Variants in AFF3 observed in about 807,000 individuals in gnomAD.
AFF3 encodes AF4/FMR2 family member 3.
Under a neutral mutation model 129.7 loss-of-function variants are expected in AFF3, and 32 were observed. The ratio of observed to expected loss-of-function variants is 0.25; its 90% CI spans 0.19 to 0.33. AFF3 has a LOEUF of 0.33. Among genes scored for constraint, AFF3 ranks in the 10% least tolerant of loss-of-function variants. The pLI, the probability that AFF3 is intolerant of heterozygous loss-of-function variation, is 1.00. For synonymous variants in AFF3, 644 were observed against 635.4 expected (o/e 1.01, Z -0.20); for missense variants, 1,373 against 1,592.0 (o/e 0.86, Z 2.34).
intron 7 of AFF3, among the ~76,000 whole-genome samples, chr2:99,944,683 C>T (rs559483309): frequency 7.2e-5 from 11 of 152,198 alleles, no homozygotes; most frequent in Non-Finnish European, 7.3e-5. Flanking sequence ...GCACATGCTA[C>T]GAACCATGCT....
At chr2:99,768,510 T>C (rs1471183401) in intron 8 of AFF3, among the ~76,000 whole-genome samples, 3 of 152,238 alleles carry the variant, frequency 2.0e-5, no homozygotes, top group African/African-American at 7.2e-5. Context: ...CTTAAAAGTC[T>C]TTCTACCTAA....
intron 7 of AFF3, among the ~76,000 whole-genome samples, chr2:99,927,373 T>C (rs1696326022): frequency 6.6e-6 from 1 of 152,128 alleles, no homozygotes; most frequent in Non-Finnish European, 1.5e-5. Flanking sequence ...GTGGCACATA[T>C]ACACCATGGG....
At chr2:99,699,382 G>T (rs917704804) in intron 11 of AFF3, among the ~76,000 whole-genome samples, 1 of 152,104 alleles carries the variant, frequency 6.6e-6, no homozygotes, top group African/African-American at 2.4e-5. Context: ...GGGACCATGC[G>T]GTTCACCTAA....
chr2:99,585,675 T>C lies in AFF3; in HGVS notation c.2591+1479A>G, dbSNP rs146010384. On this transcript the variant is annotated intron_variant, in intron 16 of 24. Coordinates refer to ENST00000672756, the MANE Select transcript of AFF3 (RefSeq NM_001386135.1). Reference sequence around the variant, plus strand: ...CAGAGTCATGGTTTAGCAGGAGCAGTAGTACAACACTTGAGACCGTGTCAC... The same window carrying C: ...CAGAGTCATGGTTTAGCAGGAGCAGCAGTACAACACTTGAGACCGTGTCAC... Among the ~76,000 whole-genome samples the C allele has an allele frequency of 4.0e-3, 604 of 152,324 alleles. 10 individuals carry two copies. Among genetic ancestry groups the C allele is most frequent in the African/African-American group, 0.014 (575 of 41,564 alleles).
chr2:99,838,421 T>C (rs1314665327), intron 7 of AFF3, among the ~76,000 whole-genome samples: 2 of 152,206 alleles, frequency 1.3e-5, no homozygotes, highest in African/African-American at 2.4e-5. Context: ...CTCCTCACTG[T>C]TCTCTCTCTA....
chr2:99,923,908 T>C (rs1696040840), intron 7 of AFF3, among the ~76,000 whole-genome samples: 1 of 151,996 alleles, frequency 6.6e-6, no homozygotes, highest in Admixed American at 6.6e-5. Flanking sequence ...AAGAAAAAAA[T>C]CAATACCTAC....
intron 4 of AFF3, among the ~76,000 whole-genome samples, chr2:100,089,067 A>G (rs1689669343): frequency 1.3e-5 from 2 of 152,138 alleles, no homozygotes; most frequent in South Asian, 2.1e-4. Flanking sequence ...TGCCTGCTCT[A>G]AAAGTCACGA....
chr2:100,030,989 G>A (rs1365649158), intron 4 of AFF3, among the ~76,000 whole-genome samples: 2 of 152,102 alleles, frequency 1.3e-5, no homozygotes, highest in South Asian at 4.1e-4. Context: ...ATCTCATTCA[G>A]GAGATTAGGG....
At chr2:100,000,212 T>C (rs1201935625) in intron 7 of AFF3, among the ~76,000 whole-genome samples, 3 of 152,222 alleles carry the variant, frequency 2.0e-5, no homozygotes, top group Non-Finnish European at 1.5e-5. Context: ...ATTTTAATAC[T>C]TGTCCTCAGC....
At chr2:99,583,103 G>C in intron 16 of AFF3, 104 bp from the exon 17 acceptor site, 1 of 949,054 alleles carries the variant, frequency 1.1e-6, no homozygotes, top group Non-Finnish European at 1.6e-6. Context: ...GTTGGTAGGA[G>C]AAGCTTATTG....
chr2:99,726,991 T>C (rs944401815), intron 11 of AFF3, 86 bp downstream of exon 11: 9 of 1,184,502 alleles, frequency 7.6e-6, no homozygotes, highest in Middle Eastern at 1.9e-4. Flanking sequence ...ATCATCATTA[T>C]TACTATTACA....
chr2:99,825,841 A>G (rs1486931404), intron 8 of AFF3, among the ~76,000 whole-genome samples: 2 of 152,134 alleles, frequency 1.3e-5, no homozygotes, highest in Non-Finnish European at 2.9e-5. Flanking sequence ...CCAATTGTAC[A>G]ATGTGTTCTA....
Position 100,139,111 on chromosome 2 carries a change from T to A in AFF3, c.-228+3373A>T, listed in dbSNP as rs187516060. Among the ~76,000 whole-genome samples the A allele has an allele frequency of 1.6e-4, 25 of 152,216 alleles. 1 individual carries two copies. The East Asian group carries it at 4.6e-3, about 28-fold the overall frequency. On this transcript the variant is annotated intron_variant, in intron 1 of 24. Coordinates refer to ENST00000672756, the MANE Select transcript of AFF3 (RefSeq NM_001386135.1). ...GGAAGGGAAGTGGTGAATATCAACT[T>A]ATACAACCACCACTCAAACACAAAC...
intron 7 of AFF3, among the ~76,000 whole-genome samples, chr2:99,928,024 T>C (rs1696395366): frequency 6.6e-6 from 1 of 152,088 alleles, no homozygotes; most frequent in African/African-American, 2.4e-5. Context: ...AAGCTCTCTC[T>C]CTGCCTGCTG....
intron 8 of AFF3, among the ~76,000 whole-genome samples, chr2:99,815,643 G>C (rs1385782039): frequency 1.3e-5 from 2 of 151,532 alleles, no homozygotes; most frequent in Non-Finnish European, 2.9e-5. Context: ...TTTTGTTTGA[G>C]AAAGTATTTC....
chr2:99,874,038 G>T (rs111271570), intron 7 of AFF3, among the ~76,000 whole-genome samples: 2 of 152,132 alleles, frequency 1.3e-5, no homozygotes, highest in Non-Finnish European at 2.9e-5. Context: ...TTAGCCGGGC[G>T]TGGTGGTGGA....
At chr2:99,659,177 TG>T (rs1175897140) in intron 12 of AFF3, among the ~76,000 whole-genome samples, 1 of 152,190 alleles carries the variant, frequency 6.6e-6, no homozygotes, top group Non-Finnish European at 1.5e-5. Context: ...GCAAACCTAC[TG>T]GTGCTGTTGG....
At chr2:99,889,509 C>G (rs1036390756) in intron 7 of AFF3, among the ~76,000 whole-genome samples, 74 of 152,334 alleles carry the variant, frequency 4.9e-4, no homozygotes, top group African/African-American at 1.7e-3. Context: ...AAAAACATCA[C>G]AAGCACCCGC....
intron 11 of AFF3, among the ~76,000 whole-genome samples, chr2:99,696,395 C>T (rs557979414): frequency 2.8e-4 from 42 of 152,274 alleles, no homozygotes; most frequent in African/African-American, 1.0e-3. Context: ...TTATCTAACA[C>T]TTCTATTACT....
Sources: allele counts gnomAD v4.1 joint callset (sites outside exome capture counted in the v4.1 genomes callset), GRCh38; gene constraint gnomAD v4.1.1; transcripts MANE v1.5; gene names NCBI Gene and HGNC (gene_info 2026-07-23, HGNC 2026-07-21).